Variants in ZC3H3 observed in about 807,000 individuals in gnomAD.
The protein encoded by ZC3H3 is zinc finger CCCH-type containing 3.
A neutral mutation model predicts 77.3 loss-of-function variants in ZC3H3; 36 were observed. That is an observed-to-expected ratio of 0.47 (90% CI 0.36 to 0.61). The LOEUF is 0.61. Ranked by LOEUF, ZC3H3 falls within the 20% of genes least tolerant of loss-of-function variation. The pLI is 0.00. For missense variants in ZC3H3, 1,331 were observed against 1,312.2 expected, an observed-to-expected ratio of 1.01 and a Z score of -0.22; for synonymous variants, 626 against 555.2, an observed-to-expected ratio of 1.13 and a Z score of -1.79.
rs187416048 is a variant in ZC3H3 at position 143,460,620 on chromosome 8, C to G, written c.2307+5097G>C. ...ACAGATACCTGGCTGTCAGGAATCA[C>G]TACAGCACCAGTCACAGTAGCCACA... On this transcript the variant is annotated intron_variant, in intron 9 of 11. Transcript: ENST00000262577. The surrounding 1 kb of genome is among the most constrained non-coding windows in gnomAD (Gnocchi z 4.0). 1.8e-3 allele frequency among the ~76,000 whole-genome samples: 274 copies of G among 152,296 alleles called. 6 individuals are homozygous for G. The East Asian group carries it at 0.046, about 25-fold the overall frequency.
At chr8:143,532,991 C>T (rs1470262724) in intron 3 of ZC3H3, among the ~76,000 whole-genome samples, 2 of 152,190 alleles carry the variant, frequency 1.3e-5, no homozygotes, top group Non-Finnish European at 2.9e-5. Flanking sequence ...AGCCTGCGGA[C>T]TCCGCTCCTT....
At position 143,516,595 on chromosome 8, in the gene ZC3H3, A is replaced by C. The variant is rs76987135; in HGVS notation, c.1562-8696T>G. On this transcript the variant is annotated intron_variant, in intron 3 of 11. Transcript: ENST00000262577. ...CACACACACACTCACTCTCATGCAC[A>C]TGCTCACCCCACAACAGAGACTGCA... Among the ~76,000 whole-genome samples, 552 of 150,040 alleles carry C rather than the reference A, an allele frequency of 3.7e-3. 19 individuals are homozygous for C. In the East Asian group the frequency reaches 0.094, roughly 26 times the overall value.
intron 9 of ZC3H3, among the ~76,000 whole-genome samples, chr8:143,446,712 C>G (rs1239119896): frequency 1.3e-4 from 20 of 152,364 alleles, no homozygotes. Context: ...AGAGGCCCGT[C>G]CAAGCTGCCG....
intron 5 of ZC3H3, among the ~76,000 whole-genome samples, chr8:143,473,260 A>C (rs1403111936): frequency 2.7e-5 from 4 of 147,410 alleles, no homozygotes; most frequent in East Asian, 2.0e-4. Context: ...GCCCCCTCCC[A>C]CTCCTGCCCA....
chr8:143,502,747 C>T (rs1386892473), intron 4 of ZC3H3, among the ~76,000 whole-genome samples: 5 of 152,202 alleles, frequency 3.3e-5, no homozygotes, highest in Non-Finnish European at 7.3e-5. Context: ...GTGAGGGCAC[C>T]GGCAAATCTA....
At chr8:143,524,476 C>A (rs932872558) in intron 3 of ZC3H3, among the ~76,000 whole-genome samples, 6 of 152,248 alleles carry the variant, frequency 3.9e-5, no homozygotes, top group Non-Finnish European at 5.9e-5. Context: ...GAGCTCACCG[C>A]CAGCTGGTCG....
At chr8:143,514,033 C>T (rs566593536) in intron 3 of ZC3H3, among the ~76,000 whole-genome samples, 3 of 152,204 alleles carry the variant, frequency 2.0e-5, no homozygotes, top group Admixed American at 6.5e-5. Flanking sequence ...CACACAGAGT[C>T]GCCACCTTGG....
chr8:143,465,162 C>T (rs1040452081), intron 9 of ZC3H3, among the ~76,000 whole-genome samples: 1 of 152,128 alleles, frequency 6.6e-6, no homozygotes, highest in African/African-American at 2.4e-5. Flanking sequence ...GTCCCCAATT[C>T]TCCACCCAGC....
At chr8:143,441,274 T>C (rs982215169) in intron 9 of ZC3H3, among the ~76,000 whole-genome samples, 154 bp from the exon 10 acceptor site, 5 of 152,064 alleles carry the variant, frequency 3.3e-5, no homozygotes, top group Non-Finnish European at 7.4e-5. Flanking sequence ...CTTGGAAGGC[T>C]GAGGCCACCA....
chr8:143,503,507 C>A (rs190987773), intron 4 of ZC3H3, among the ~76,000 whole-genome samples: 1 of 143,288 alleles, frequency 7.0e-6, no homozygotes, highest in Non-Finnish European at 1.6e-5. Flanking sequence ...GACCACCTCC[C>A]CCAGCACCCA....
intron 3 of ZC3H3, among the ~76,000 whole-genome samples, chr8:143,517,764 C>A (rs1822107087): frequency 6.6e-6 from 1 of 152,192 alleles, no homozygotes. Flanking sequence ...TTGAGAACGC[C>A]TCTTCACCTT....
intron 4 of ZC3H3, among the ~76,000 whole-genome samples, chr8:143,489,538 TC>T (rs986530442): frequency 5.1e-4 from 78 of 152,186 alleles, no homozygotes; most frequent in African/African-American, 1.8e-3. Flanking sequence ...GGAAGCAGCC[TC>T]CGCAGGCAAG....
chr8:143,455,978 CAAAAAAAAAAA>C (rs58754874), intron 9 of ZC3H3, among the ~76,000 whole-genome samples: 452 of 40,928 alleles, frequency 0.011, 4 homozygotes, highest in African/African-American at 0.041. Flanking sequence ...GACTCTGTCT[CAAAAAAAAAAA>C]AAAAAAAAAA....
At position 143,475,511 on chromosome 8, in the gene ZC3H3, C is replaced by T. The variant is rs144762294; in HGVS notation, c.1790G>A (p.Arg597Gln). The T allele has an allele frequency of 1.4e-3, 2,251 of 1,612,498 alleles. 6 individuals carry two copies. The highest frequency in any genetic ancestry group is 1.6e-3 in the South Asian group (149 of 90,916). ...TCCGATGCAGCGGTAGCCTTTGCTC[C>T]GCCACCAAGGGGAGCCCGGTTGGGC... ...GKAQPGSPWW[R>Q]SKGYRCIGGV... Residue 597 changes from arginine to glutamine, a missense_variant, in exon 5 of 12, where the codon CGG becomes CAG. Arg to Gln is a conservative substitution (Grantham distance 43). Transcript: ENST00000262577.
chr8:143,446,033 G>T (rs1819855204), intron 9 of ZC3H3, among the ~76,000 whole-genome samples: 1 of 152,196 alleles, frequency 6.6e-6, no homozygotes. Context: ...CAGAGAGCCA[G>T]AAGCAGAGCC....
chr8:143,481,213 A>G (rs1460038952), intron 4 of ZC3H3, among the ~76,000 whole-genome samples: 1 of 152,208 alleles, frequency 6.6e-6, no homozygotes, highest in East Asian at 1.9e-4. Context: ...CCCAGCTCCC[A>G]GGCCCAGTGG....
intron 3 of ZC3H3, among the ~76,000 whole-genome samples, chr8:143,516,270 T>C (rs979843485): frequency 6.6e-6 from 1 of 152,190 alleles, no homozygotes; most frequent in Admixed American, 6.5e-5. Context: ...TTGTATGTGA[T>C]GGCTCCCAGG....
At chr8:143,473,552 G>C (rs1820640004) in intron 5 of ZC3H3, among the ~76,000 whole-genome samples, 1 of 152,206 alleles carries the variant, frequency 6.6e-6, no homozygotes, top group South Asian at 2.1e-4. Flanking sequence ...GATCAGCCTG[G>C]CTGCTCTGCC....
At chr8:143,444,946 T>C (rs1457663813) in intron 9 of ZC3H3, among the ~76,000 whole-genome samples, 1 of 152,230 alleles carries the variant, frequency 6.6e-6, no homozygotes. Flanking sequence ...ATTTATAAAC[T>C]AATTACTAAT....
Sources: gnomAD v4.1 joint callset for allele counts (sites outside exome capture counted in the v4.1 genomes callset) on GRCh38, gnomAD v4.1.1 for gene constraint, Gnocchi (gnomAD v3.1) non-coding constraint, MANE v1.5 for transcripts, NCBI Gene and HGNC (gene_info 2026-07-23, HGNC 2026-07-21) for gene names.